The following AGBL3 variants were observed in gnomAD, a reference collection of about 807,000 sequenced individuals.
AGBL3 encodes the protein cytosolic carboxypeptidase 3.
AGBL3 carries 68 observed loss-of-function variants against 94.5 expected under a neutral mutation model. The ratio of observed to expected loss-of-function variants is 0.72; its 90% confidence interval spans 0.59 to 0.88. The LOEUF (loss-of-function observed/expected upper bound fraction) is 0.88. AGBL3 is among the 40% of genes least tolerant of loss of function. The pLI is 0.00. For synonymous variants in AGBL3, 354 were observed against 370.7 expected, an observed-to-expected ratio of 0.95 and a Z score of 0.52; for missense variants, 934 against 1,103.8, an observed-to-expected ratio of 0.85 and a Z score of 2.18.
intron 12 of AGBL3, among the ~76,000 whole-genome samples, chr7:135,066,727 T>A (rs1479569333): frequency 6.6e-6 from 1 of 152,090 alleles, no homozygotes; most frequent in Admixed American, 6.5e-5. Context: ...TATCAATGGA[T>A]GAATGGATAA....
chr7:135,109,435 T>A (rs911557010), intron 15 of AGBL3, among the ~76,000 whole-genome samples: 2 of 147,210 alleles, frequency 1.4e-5, no homozygotes, highest in Admixed American at 6.8e-5. Flanking sequence ...TGGGAGGACA[T>A]GCCTAGTGAA....
chr7:135,038,413 C>T (rs186703398), intron 8 of AGBL3, among the ~76,000 whole-genome samples: 7 of 152,350 alleles, frequency 4.6e-5, no homozygotes, highest in African/African-American at 1.4e-4. Context: ...TAAATTTATA[C>T]TGTCAATACT....
At chr7:135,121,416 G>A (rs551767474) in intron 16 of AGBL3, among the ~76,000 whole-genome samples, 15 of 152,188 alleles carry the variant, frequency 9.9e-5, no homozygotes, top group African/African-American at 2.2e-4. Context: ...TCAAGTGTAC[G>A]TGGATCATAT....
intron 5 of AGBL3, among the ~76,000 whole-genome samples, chr7:135,019,460 C>G (rs1199077324): frequency 6.6e-6 from 1 of 151,974 alleles, no homozygotes; most frequent in Non-Finnish European, 1.5e-5. Context: ...AAACTTTATT[C>G]TTTTCACTTT....
chr7:135,129,599 A>G, intron 16 of AGBL3: 1 of 773,948 alleles, frequency 1.3e-6, no homozygotes, highest in Admixed American at 1.7e-5. Context: ...ACCCTTACAA[A>G]CATTTCACTG....
intron 4 of AGBL3, among the ~76,000 whole-genome samples, chr7:135,005,005 T>C (rs1186622813): frequency 2.6e-5 from 4 of 151,702 alleles, no homozygotes; most frequent in Admixed American, 6.6e-5. Context: ...TTTTCAAATA[T>C]GCAGAGAAAT....
At chr7:135,127,168 A>C (rs1827993930) in intron 16 of AGBL3, among the ~76,000 whole-genome samples, 1 of 152,262 alleles carries the variant, frequency 6.6e-6, no homozygotes. Context: ...AAACATATTT[A>C]CAAGAAAAAA....
intron 12 of AGBL3, among the ~76,000 whole-genome samples, chr7:135,073,140 C>T (rs2116799745): frequency 6.6e-6 from 1 of 151,996 alleles, no homozygotes; most frequent in South Asian, 2.1e-4. Flanking sequence ...AGGGTCATTA[C>T]CAGGGGTCGG....
chr7:135,041,023 CA>C (rs1456942868), intron 8 of AGBL3, among the ~76,000 whole-genome samples: 1 of 152,004 alleles, frequency 6.6e-6, no homozygotes, highest in Non-Finnish European at 1.5e-5. Flanking sequence ...AAAACAATAC[CA>C]TTTTTATCTT....
At chr7:135,035,335 A>T (rs1816197960) in intron 7 of AGBL3, among the ~76,000 whole-genome samples, 1 of 152,084 alleles carries the variant, frequency 6.6e-6, no homozygotes, top group Non-Finnish European at 1.5e-5. Flanking sequence ...AATGTCAGTT[A>T]GTCTCTGAAT....
chr7:134,999,339 A>C (rs1179684548), intron 4 of AGBL3, among the ~76,000 whole-genome samples: 1 of 152,146 alleles, frequency 6.6e-6, no homozygotes, highest in East Asian at 1.9e-4. Context: ...GTTACTTGTC[A>C]GTTGTGTGTG....
At chr7:135,060,292 A>G (rs1563226342) in intron 12 of AGBL3, among the ~76,000 whole-genome samples, 2 of 152,156 alleles carry the variant, frequency 1.3e-5, no homozygotes, top group African/African-American at 2.4e-5. Flanking sequence ...AAAATTATAT[A>G]TATTTATTGT....
At chr7:135,103,487 T>C (rs1415503752) in intron 15 of AGBL3, among the ~76,000 whole-genome samples, 1 of 152,220 alleles carries the variant, frequency 6.6e-6, no homozygotes, top group African/African-American at 2.4e-5. Context: ...CATGCTTTTT[T>C]CTTAGGAAAG....
At chr7:135,008,194 C>T (rs1180932647) in intron 4 of AGBL3, among the ~76,000 whole-genome samples, 2 of 151,626 alleles carry the variant, frequency 1.3e-5, no homozygotes, top group Non-Finnish European at 2.9e-5. Context: ...GAAAAAAAAA[C>T]TTAAGAACAT....
At chr7:135,043,703 T>C (rs1228740570) in intron 8 of AGBL3, among the ~76,000 whole-genome samples, 1 of 152,112 alleles carries the variant, frequency 6.6e-6, no homozygotes, top group African/African-American at 2.4e-5. Context: ...ACCCTGTATA[T>C]ATAAACTTAC....
At position 135,025,257 on chromosome 7, in the gene AGBL3, A is replaced by AT. The variant is rs569952255; in HGVS notation, c.419-7587_419-7586insT. Among the ~76,000 whole-genome samples, 1,310 of 151,720 alleles carry AT rather than the reference A, an allele frequency of 8.6e-3. 18 individuals are homozygous for AT. The highest frequency in any genetic ancestry group is 0.015 in the Non-Finnish European group (1,053 of 68,012). ...GTCATGTACAAAGGGAACCCCATCC[A>AT]GCTAGCCGTGAACCTTTCAGCAGAA... On this transcript the variant is annotated intron_variant, in intron 5 of 16. Coordinates refer to ENST00000436302, the MANE Select transcript of AGBL3 (RefSeq NM_178563.4).
intron 4 of AGBL3, among the ~76,000 whole-genome samples, chr7:135,000,406 T>G (rs1273235582): frequency 1.3e-5 from 2 of 152,130 alleles, no homozygotes; most frequent in Non-Finnish European, 2.9e-5. Flanking sequence ...AGGGCCTGCT[T>G]GAATAGAACA....
At chr7:135,011,601 T>C (rs1813169264) in intron 4 of AGBL3, 2 of 152,312 alleles carry the variant, frequency 1.3e-5, no homozygotes, top group South Asian at 2.1e-4. Flanking sequence ...GGCAAGAGAC[T>C]TGAATGGGCA....
At chr7:135,019,411 T>C (rs1248024917) in intron 5 of AGBL3, among the ~76,000 whole-genome samples, 2 of 152,240 alleles carry the variant, frequency 1.3e-5, no homozygotes, top group African/African-American at 4.8e-5. Flanking sequence ...TGCCTACTTA[T>C]AAACTTTGCT....
Sources: gnomAD v4.1 joint callset for allele counts (sites outside exome capture counted in the v4.1 genomes callset) on GRCh38, gnomAD v4.1.1 for gene constraint, MANE v1.5 for transcripts, NCBI Gene and HGNC (gene_info 2026-07-23, HGNC 2026-07-21) for gene names.